Variants in UAP1 observed in about 807,000 individuals in gnomAD.
UAP1 encodes UDP-N-acetylhexosamine pyrophosphorylase.
Under a neutral mutation model 58.5 loss-of-function variants are expected in UAP1, and 25 were observed. That is an observed-to-expected ratio of 0.43 (90% CI 0.31 to 0.60). The LOEUF (loss-of-function observed/expected upper bound fraction) is 0.60, where lower values mean the gene tolerates loss of function less well. UAP1 is among the 20% of genes least tolerant of loss of function. The probability of loss-of-function intolerance (pLI) is 0.11; values close to 1 mark genes in which losing one functional copy is unlikely to be tolerated. For missense variants in UAP1, 575 were observed against 630.0 expected, an observed-to-expected ratio of 0.91 and a Z score of 0.93; for synonymous variants, 208 against 213.0, an observed-to-expected ratio of 0.98 and a Z score of 0.21.
Position 162,590,567 on chromosome 1 carries a change from G to A in UAP1, c.1358+56G>A, listed in dbSNP as rs1044881513. On this transcript the variant is annotated intron_variant, in intron 8 of 10. Coordinates refer to ENST00000271469, the Ensembl canonical transcript of UAP1. Reference sequence around the variant, plus strand: ...ATCCTTTCTTGGACTTTTCCTCTTGGACTTCTCTCTCTCTCTCTCTCTCTG... The same window carrying A: ...ATCCTTTCTTGGACTTTTCCTCTTGAACTTCTCTCTCTCTCTCTCTCTCTG... 6.3e-6 allele frequency: 9 copies of A among 1,432,072 alleles called. No homozygotes were observed. In the African/African-American group the frequency reaches 1.2e-4, roughly 18 times the overall value. The allele number at this position is 1,432,072 out of a possible 1,614,324, so 88.7% of individuals were successfully genotyped here. A position where few individuals can be genotyped will look rare whatever the true frequency, so the allele number is the denominator to read the frequency against.
intron 2 of UAP1, among the ~76,000 whole-genome samples, chr1:162,567,540 A>G (rs753703786): frequency 2.6e-5 from 4 of 152,142 alleles, no homozygotes; most frequent in African/African-American, 7.2e-5. Flanking sequence ...TTTATAATCT[A>G]TTACTCCTCT....
intron 6 of UAP1, 57 bp downstream of exon 6, chr1:162,587,725 A>T: frequency 2.6e-6 from 4 of 1,547,128 alleles, no homozygotes; most frequent in Non-Finnish European, 3.5e-6. Flanking sequence ...AGAAACTAAG[A>T]CACTTGAGAG....
chr1:162,590,371 A>G (rs570332663), exon 8 of UAP1: 2 of 1,613,562 alleles, frequency 1.2e-6, no homozygotes, highest in East Asian at 2.2e-5. Context: ...TTTCCCCACT[A>G]AAGAATGCTG....
intron 2 of UAP1, among the ~76,000 whole-genome samples, chr1:162,572,789 CA>C (rs1269370611): frequency 6.6e-6 from 1 of 152,086 alleles, no homozygotes; most frequent in Non-Finnish European, 1.5e-5. Context: ...GACTATTTGT[CA>C]ACTTTATTTA....
rs1435949674 is a variant in UAP1, at chr1:162,570,082, G to T, written c.280+3734G>T. ...GAGGATGGTGTAAACCCAGGAGGCG[G>T]AGCTTGCAGTGAGCCAAGATCGTGC... On this transcript the variant is annotated intron_variant, in intron 2 of 10. Coordinates refer to ENST00000271469, the Ensembl canonical transcript of UAP1. Among the ~76,000 whole-genome samples, 3 of 151,446 alleles carry T rather than the reference G, an allele frequency of 2.0e-5. No homozygotes were observed. The East Asian group carries it at 5.8e-4, about 29-fold the overall frequency.
chr1:162,574,202 T>A (rs1654039040), intron 2 of UAP1, among the ~76,000 whole-genome samples: 2 of 150,216 alleles, frequency 1.3e-5, no homozygotes, highest in South Asian at 4.3e-4. Context: ...AAGCAGTTCA[T>A]CTGCCTCAGC....
At chr1:162,578,810 G>T (rs937969773) in intron 3 of UAP1, among the ~76,000 whole-genome samples, 1 of 152,120 alleles carries the variant, frequency 6.6e-6, no homozygotes, top group African/African-American at 2.4e-5. Context: ...AGGTATTGAG[G>T]ATAAATCAGT....
chr1:162,575,875 G>T (rs547434044), intron 2 of UAP1, among the ~76,000 whole-genome samples: 3 of 152,152 alleles, frequency 2.0e-5, no homozygotes, highest in East Asian at 3.9e-4. Flanking sequence ...GTAGAGACAG[G>T]TTTCGCTATG....
At chr1:162,591,220 C>G (rs897328563) in intron 8 of UAP1, among the ~76,000 whole-genome samples, 1 of 151,460 alleles carries the variant, frequency 6.6e-6, no homozygotes, top group Non-Finnish European at 1.5e-5. Context: ...CCACTGGGCC[C>G]GGCTGACCTC....
At chr1:162,576,908 A>C (rs1407521968) in exon 3 of UAP1, 2 of 1,614,172 alleles carry the variant, frequency 1.2e-6, no homozygotes, top group South Asian at 2.2e-5. Flanking sequence ...ACTTTTTCAG[A>C]TTCAAGCAGA....
chr1:162,579,286 T>C, intron 3 of UAP1, 142 bp from the exon 4 acceptor site: 1 of 530,464 alleles, frequency 1.9e-6, no homozygotes, highest in Non-Finnish European at 3.0e-6. Context: ...TGAATGTGTC[T>C]TACCCAGGAA....
At chr1:162,563,404 C>T (rs911769764) in intron 1 of UAP1, among the ~76,000 whole-genome samples, 3 of 151,534 alleles carry the variant, frequency 2.0e-5, no homozygotes, top group Non-Finnish European at 2.9e-5. Context: ...CTCACTCTGT[C>T]GCCAGGCTGG....
rs1413283488 is a variant in UAP1 at position 162,597,820 on chromosome 1, C to G, written c.1438C>G (p.Gln480Glu). 1 of 1,612,960 alleles carries G rather than the reference C, an allele frequency of 6.2e-7. No individual in the cohort carries two copies. Among genetic ancestry groups the G allele is most frequent in the South Asian group, 1.1e-5 (1 of 90,928 alleles). Residue 480 changes from glutamine (Q) to glutamate (E), a missense_variant, in exon 10 of 11, where the codon CAA becomes GAA. Physicochemically the swap from Gln to Glu is conservative, Grantham distance 29. Coordinates refer to ENST00000271469, the Ensembl canonical transcript of UAP1. Reference sequence around the variant, plus strand: ...GAAGGATGCCAATGATGTACCAATCCAATGTGAAATCTCTCCTCTTATCTC... The same window carrying G: ...GAAGGATGCCAATGATGTACCAATCGAATGTGAAATCTCTCCTCTTATCTC...
At chr1:162,597,715 A>AGT in intron 9 of UAP1, 77 bp from the exon 10 acceptor site, 1 of 1,181,050 alleles carries the variant, frequency 8.5e-7, no homozygotes, top group South Asian at 1.3e-5. Context: ...CTCAGAGGAA[A>AGT]GTTATGGTTT....
intron 9 of UAP1, 129 bp downstream of exon 9, chr1:162,592,911 G>T (rs1177840619): frequency 1.3e-6 from 1 of 748,060 alleles, no homozygotes; most frequent in Non-Finnish European, 2.3e-6. Context: ...TTTGGTGTGG[G>T]TGCACTGCTT....
intron 9 of UAP1, among the ~76,000 whole-genome samples, chr1:162,596,149 G>A (rs57648936): frequency 1.3e-5 from 2 of 150,030 alleles, no homozygotes; most frequent in Non-Finnish European, 3.0e-5. Context: ...CACCACACCC[G>A]GCCACATTAA....
intron 9 of UAP1, among the ~76,000 whole-genome samples, chr1:162,596,325 G>A (rs767878460): frequency 9.3e-5 from 14 of 151,322 alleles, no homozygotes; most frequent in Admixed American, 2.0e-4. Context: ...ACAGGTACGC[G>A]CCACCACACC....
chr1:162,592,140 G>A (rs1655353117), intron 8 of UAP1, among the ~76,000 whole-genome samples: 1 of 152,190 alleles, frequency 6.6e-6, no homozygotes, highest in Non-Finnish European at 1.5e-5. Context: ...GTTTGTGCCT[G>A]TAATCCCAGT....
intron 10 of UAP1, 88 bp downstream of exon 10, chr1:162,597,946 C>A: frequency 1.6e-6 from 2 of 1,216,712 alleles, no homozygotes; most frequent in African/African-American, 1.5e-5. Flanking sequence ...ATGTTCTCAC[C>A]ATAAAGAAAG....
Sources: allele counts gnomAD v4.1 joint callset (sites outside exome capture counted in the v4.1 genomes callset), GRCh38; gene constraint gnomAD v4.1.1; transcripts MANE v1.5; gene names NCBI Gene and HGNC (gene_info 2026-07-23, HGNC 2026-07-21).